The following MPHOSPH9 variants were observed in gnomAD, a reference collection of about 807,000 sequenced individuals.
MPHOSPH9 encodes M-phase phosphoprotein 9.
A neutral mutation model predicts 145.5 loss-of-function variants in MPHOSPH9; 88 were observed. The observed-to-expected ratio is 0.60, with a 90% CI of 0.51 to 0.72. The LOEUF is 0.72. MPHOSPH9 is among the 30% of genes least tolerant of loss of function. The pLI is 0.00. For synonymous variants in MPHOSPH9, 435 were observed against 486.2 expected, an observed-to-expected ratio of 0.89 and a Z score of 1.39; for missense variants, 1,238 against 1,386.6, an observed-to-expected ratio of 0.89 and a Z score of 1.70.
chr12:123,175,299 A>T (rs540439997), intron 16 of MPHOSPH9, among the ~76,000 whole-genome samples: 5 of 152,064 alleles, frequency 3.3e-5, no homozygotes, highest in African/African-American at 7.2e-5. Flanking sequence ...TACAGGCGCC[A>T]GCCACCGCGC....
chr12:123,230,438 G>A lies in MPHOSPH9; in HGVS notation c.-74C>T. ...GGCTGTTTGAGAAAAATGAATCCGT[G>A]TCATCTTCAGAGGCTTCATCATCTA... On this transcript the variant is annotated 5_prime_UTR_variant, in exon 2 of 24. Coordinates refer to ENST00000606320, the MANE Select transcript of MPHOSPH9 (RefSeq NM_022782.4). 1.2e-6 allele frequency: 1 copy of A among 815,374 alleles called. No homozygotes were observed. Among genetic ancestry groups the A allele is most frequent in the East Asian group, 3.0e-5 (1 of 33,612 alleles). 50.5% of individuals were successfully genotyped at this position (815,374 alleles called of 1,614,324 possible). A position where few individuals can be genotyped will look rare whatever the true frequency, so the allele number is the denominator to read the frequency against.
At chr12:123,235,638 C>G (rs1333609258), upstream of MPHOSPH9, among the ~76,000 whole-genome samples, 2 of 151,348 alleles carry the variant, frequency 1.3e-5, no homozygotes, top group African/African-American at 4.9e-5. Context: ...TCCCACGGTG[C>G]TGGGATTACA....
At chr12:123,222,990 G>C (rs536998218) in intron 4 of MPHOSPH9, 48 bp downstream of exon 4, 2 of 954,190 alleles carry the variant, frequency 2.1e-6, no homozygotes, top group Non-Finnish European at 1.5e-6. Flanking sequence ...GTATATGTAC[G>C]TATGTATATG....
chr12:123,169,941 TACAC>T (rs1460250208), intron 16 of MPHOSPH9, among the ~76,000 whole-genome samples: 1 of 151,892 alleles, frequency 6.6e-6, no homozygotes, highest in East Asian at 1.9e-4. Context: ...TATATTTAAT[TACAC>T]AGAAGGCATA....
upstream of MPHOSPH9, among the ~76,000 whole-genome samples, chr12:123,235,035 G>T (rs1007273174): frequency 6.6e-5 from 10 of 152,274 alleles, no homozygotes; most frequent in Admixed American, 4.6e-4. Flanking sequence ...TAAAACAAAG[G>T]CCGATGAAAT....
At chr12:123,154,214 G>GTTTTTTTTTTTTTTTTTTTTT, downstream of MPHOSPH9, 1 of 139,494 alleles carries the variant, frequency 7.2e-6, no homozygotes, top group Non-Finnish European at 1.6e-5. Flanking sequence ...TTTGCTTAGG[G>GTTTTTTTTTTTTTTTTTTTTT]TTTTTTTTTT....
chr12:123,182,264 T>TG (rs1400233047), intron 13 of MPHOSPH9, among the ~76,000 whole-genome samples: 9 of 82,232 alleles, frequency 1.1e-4, no homozygotes, highest in South Asian at 3.0e-4. Flanking sequence ...TTTTTTTGTT[T>TG]TTTTTTTTTG....
At chr12:123,231,042 T>C (rs1353561424) in intron 1 of MPHOSPH9, among the ~76,000 whole-genome samples, 1 of 152,224 alleles carries the variant, frequency 6.6e-6, no homozygotes, top group Non-Finnish European at 1.5e-5. Flanking sequence ...CTGAATTTTA[T>C]GGTATGTGAA....
intron 13 of MPHOSPH9, 88 bp downstream of exon 13, chr12:123,194,298 C>G (rs1294701377): frequency 1.2e-6 from 1 of 806,582 alleles, no homozygotes; most frequent in African/African-American, 1.8e-5. Flanking sequence ...TAAAATAAGC[C>G]TAGAAAGTCA....
At chr12:123,171,896 A>G (rs907599492) in intron 16 of MPHOSPH9, among the ~76,000 whole-genome samples, 2 of 152,232 alleles carry the variant, frequency 1.3e-5, no homozygotes, top group African/African-American at 4.8e-5. Flanking sequence ...CTATAAAGAC[A>G]ACTAAAGCCC....
At chr12:123,237,918 C>T (rs998443228), upstream of MPHOSPH9, among the ~76,000 whole-genome samples, 69 of 147,488 alleles carry the variant, frequency 4.7e-4, no homozygotes, top group African/African-American at 1.6e-3. Context: ...TTTTTTGAGA[C>T]GGAGTCTCAC....
At chr12:123,240,815 C>T (rs1453042630) in intron 1 of MPHOSPH9, 1 of 148,822 alleles carries the variant, frequency 6.7e-6, no homozygotes, top group Non-Finnish European at 1.5e-5. Flanking sequence ...CTCACCACAA[C>T]CTCCGACTCC....
At position 123,225,023 on chromosome 12, in the gene MPHOSPH9, T is replaced by C. The variant is rs188314262; in HGVS notation, c.259-1896A>G. Among the ~76,000 whole-genome samples, 20 of 152,326 alleles carry C rather than the reference T, an allele frequency of 1.3e-4. No individual in the cohort carries two copies. The East Asian group carries it at 3.5e-3, about 26-fold the overall frequency. On this transcript the variant is annotated intron_variant, in intron 3 of 23. Transcript: ENST00000606320. ...ATGTTATTTTACTGTAAATTTTTTA[T>C]TTCTCCTTTATGTCACATTTAGGAT...
At chr12:123,173,040 T>C (rs2138008613) in intron 16 of MPHOSPH9, among the ~76,000 whole-genome samples, 1 of 151,886 alleles carries the variant, frequency 6.6e-6, no homozygotes, top group East Asian at 1.9e-4. Context: ...TATGCCTGGC[T>C]TATTTTTGTA....
chr12:123,211,070 C>T (rs977023120), intron 7 of MPHOSPH9, among the ~76,000 whole-genome samples: 10 of 150,704 alleles, frequency 6.6e-5, no homozygotes, highest in African/African-American at 1.2e-4. Context: ...CTGCAACCTC[C>T]GCCTCCCAGG....
chr12:123,230,264 T>A lies in MPHOSPH9; in HGVS notation c.101A>T (p.Asp34Val), dbSNP rs2047590431. 3 of 1,473,200 alleles carry A rather than the reference T, an allele frequency of 2.0e-6. No individual in the cohort carries two copies. The East Asian group carries it at 7.4e-5, about 36-fold the overall frequency. The allele number at this position is 1,473,200 out of a possible 1,614,324, so 91.3% of individuals were successfully genotyped here. The change falls in exon 2 of 24, where the codon GAT (aspartate) becomes GTT (valine). Residue 34 changes from aspartate (D) to valine (V), a missense_variant. By Grantham distance (152) the Asp-to-Val change is radical. Around this residue, in one of 3 missense-constraint regions of MPHOSPH9, gnomAD observed 837 missense variants for 897.5 expected, o/e 0.93. Transcript: ENST00000606320. ...LHSLGLNLNT[D>V]RSSPHLSTNG... ...TTTTTTTAAATCCCATTCTTACCTATCAGTATTTAAGTTCAGTCCAAGAGA... is the reference window on the plus strand; with the variant it reads ...TTTTTTTAAATCCCATTCTTACCTAACAGTATTTAAGTTCAGTCCAAGAGA...
chr12:123,168,436 G>A (rs2044416787), intron 16 of MPHOSPH9, among the ~76,000 whole-genome samples: 1 of 150,676 alleles, frequency 6.6e-6, no homozygotes, highest in Non-Finnish European at 1.5e-5. Context: ...CCGCCTCCCA[G>A]GTTCAAGCGA....
intron 8 of MPHOSPH9, among the ~76,000 whole-genome samples, chr12:123,207,099 G>C (rs181187136): frequency 1.5e-5 from 2 of 129,144 alleles, no homozygotes; most frequent in African/African-American, 5.7e-5. Flanking sequence ...CTATGTTTAA[G>C]TCTAAAGACT....
intron 22 of MPHOSPH9, 89 bp from the exon 23 acceptor site, chr12:123,160,938 C>G: frequency 7.0e-7 from 1 of 1,433,404 alleles, no homozygotes; most frequent in Non-Finnish European, 9.6e-7. Flanking sequence ...CTTAGTATTT[C>G]CTTGTCCATT....
Sources: allele counts gnomAD v4.1 joint callset (sites outside exome capture counted in the v4.1 genomes callset), GRCh38; gene constraint gnomAD v4.1.1; regional missense constraint gnomAD v4.1.1; transcripts MANE v1.5; gene names NCBI Gene and HGNC (gene_info 2026-07-23, HGNC 2026-07-21).